The following CMSS1 variants were observed in gnomAD, a reference collection of about 807,000 sequenced individuals.
CMSS1 encodes cms1 ribosomal small subunit homolog.
Under a neutral mutation model 43.5 loss-of-function variants are expected in CMSS1, and 33 were observed. The ratio of observed to expected loss-of-function variants is 0.76; its 90% CI spans 0.57 to 1.01. The LOEUF (loss-of-function observed/expected upper bound fraction) is 1.01. CMSS1 is among the 50% of genes least tolerant of loss of function. The probability of loss-of-function intolerance (pLI) is 0.00; values close to 1 mark genes in which losing one functional copy is unlikely to be tolerated. For synonymous variants in CMSS1, 115 were observed against 117.2 expected (o/e 0.98, Z 0.12); for missense variants, 313 against 326.4 (o/e 0.96, Z 0.32).
chr3:100,076,838 C>T (rs2065858093), intron 1 of CMSS1, among the ~76,000 whole-genome samples: 1 of 152,198 alleles, frequency 6.6e-6, no homozygotes, highest in African/African-American at 2.4e-5. Flanking sequence ...ATTAGTCAGA[C>T]TTACTCAGTA....
chr3:100,023,485 A>G (rs183641313), intron 1 of CMSS1: 1 of 152,740 alleles, frequency 6.5e-6, no homozygotes, highest in Admixed American at 6.5e-5. Context: ...CTAAAAAGAA[A>G]TGCTCCGAGT....
chr3:99,848,692 G>A, intron 1 of CMSS1: 3 of 1,614,172 alleles, frequency 1.9e-6, no homozygotes, highest in Non-Finnish European at 2.5e-6. Context: ...TGTCCTTTCT[G>A]GAGTTAGAGA....
chr3:99,899,880 A>T (rs1470235595), intron 1 of CMSS1, among the ~76,000 whole-genome samples: 1 of 152,184 alleles, frequency 6.6e-6, no homozygotes, highest in Non-Finnish European at 1.5e-5. Context: ...TATTTAAATG[A>T]GTTACAAACT....
At chr3:100,169,755 G>A (rs1303792015) in intron 6 of CMSS1, among the ~76,000 whole-genome samples, 1 of 152,176 alleles carries the variant, frequency 6.6e-6, no homozygotes, top group Non-Finnish European at 1.5e-5. Flanking sequence ...GTACTTGCCG[G>A]TCCTGAAATC....
chr3:100,033,334 C>G (rs779836589), intron 1 of CMSS1, among the ~76,000 whole-genome samples: 1 of 152,172 alleles, frequency 6.6e-6, no homozygotes, highest in Non-Finnish European at 1.5e-5. Context: ...TCACCTCTAT[C>G]GAGTGGCAGC....
chr3:100,128,873 A>G (rs976341476), intron 1 of CMSS1, among the ~76,000 whole-genome samples: 6 of 152,236 alleles, frequency 3.9e-5, no homozygotes, highest in African/African-American at 1.2e-4. Flanking sequence ...TACTGTATGA[A>G]TATGCCATCG....
At chr3:99,849,420 T>G in intron 1 of CMSS1, 3 of 1,614,182 alleles carry the variant, frequency 1.9e-6, no homozygotes, top group Admixed American at 3.3e-5. Context: ...TGTTTTCTTG[T>G]TGATTTAGTT....
intron 1 of CMSS1, among the ~76,000 whole-genome samples, chr3:100,107,663 G>T (rs925073477): frequency 2.0e-5 from 3 of 151,970 alleles, no homozygotes; most frequent in Non-Finnish European, 4.4e-5. Context: ...GTAATTTAAC[G>T]CTCTACTGTT....
chr3:100,134,741 GC>G (rs899720747), intron 1 of CMSS1, among the ~76,000 whole-genome samples: 4 of 152,148 alleles, frequency 2.6e-5, no homozygotes, highest in African/African-American at 9.7e-5. Flanking sequence ...GAGGGAGGCT[GC>G]CGGCCACATG....
At chr3:99,970,639 G>A (rs1011628161) in intron 1 of CMSS1, among the ~76,000 whole-genome samples, 2 of 152,210 alleles carry the variant, frequency 1.3e-5, no homozygotes, top group Non-Finnish European at 2.9e-5. Context: ...AGGGTCACAA[G>A]AGTTTAAAAA....
chr3:100,062,655 A>G (rs1323875271), intron 1 of CMSS1, among the ~76,000 whole-genome samples: 1 of 152,234 alleles, frequency 6.6e-6, no homozygotes, highest in Non-Finnish European at 1.5e-5. Context: ...TCTAAGCTGC[A>G]TACTAATTTC....
chr3:99,923,278 A>G (rs1230316466), intron 1 of CMSS1, among the ~76,000 whole-genome samples: 1 of 152,118 alleles, frequency 6.6e-6, no homozygotes, highest in Non-Finnish European at 1.5e-5. Flanking sequence ...ATTTCTGACC[A>G]TGGGTTGACT....
chr3:100,010,778 A>ATTTTTTTTTTTTTTT (rs11371196), intron 1 of CMSS1, among the ~76,000 whole-genome samples: 8 of 93,666 alleles, frequency 8.5e-5, no homozygotes, highest in Non-Finnish European at 1.2e-4. Context: ...CCACGCCCGG[A>ATTTTTTTTTTTTTTT]TTTTTTTTTT....
chr3:99,871,516 TA>T (rs1210205830), intron 1 of CMSS1, among the ~76,000 whole-genome samples: 1 of 152,180 alleles, frequency 6.6e-6, no homozygotes, highest in Non-Finnish European at 1.5e-5. Flanking sequence ...ATGAGTAATT[TA>T]ATGTCACATC....
intron 1 of CMSS1, among the ~76,000 whole-genome samples, chr3:100,085,333 TCTC>T (rs1161215022): frequency 6.6e-6 from 1 of 152,200 alleles, no homozygotes; most frequent in Non-Finnish European, 1.5e-5. Flanking sequence ...TATCTTCCCT[TCTC>T]CTTAAGGAAT....
chr3:100,035,945 G>A (rs2065099986), intron 1 of CMSS1, among the ~76,000 whole-genome samples: 1 of 152,160 alleles, frequency 6.6e-6, no homozygotes, highest in African/African-American at 2.4e-5. Flanking sequence ...ATAAAAAGAT[G>A]AATGAGACAT....
At chr3:100,018,011 AG>A (rs1710394557) in intron 1 of CMSS1, among the ~76,000 whole-genome samples, 1 of 152,054 alleles carries the variant, frequency 6.6e-6, no homozygotes, top group South Asian at 2.1e-4. Context: ...AGGATTTTTA[AG>A]TTGTGCACAG....
At chr3:100,030,106 A>G (rs4074918) in intron 1 of CMSS1, among the ~76,000 whole-genome samples, 140,721 of 152,214 alleles carry the variant, frequency 0.92, 65,164 homozygotes, top group African/African-American at 0.98. Context: ...GGAAACGGAG[A>G]CCCAACGAGC....
intron 1 of CMSS1, among the ~76,000 whole-genome samples, chr3:99,913,969 G>C (rs1706874168): frequency 6.6e-6 from 1 of 152,192 alleles, no homozygotes; most frequent in South Asian, 2.1e-4. Flanking sequence ...GATAAGTAGG[G>C]AGGAAATTTA....
Sources: gnomAD v4.1 joint callset for allele counts (sites outside exome capture counted in the v4.1 genomes callset) on GRCh38, gnomAD v4.1.1 for gene constraint, MANE v1.5 for transcripts, NCBI Gene and HGNC (gene_info 2026-07-23, HGNC 2026-07-21) for gene names.